The following YIF1B variants were observed in gnomAD, a reference collection of about 807,000 sequenced individuals.
YIF1B encodes the protein Yip1 interacting factor homolog B, membrane trafficking protein.
A neutral mutation model predicts 34.6 loss-of-function variants in YIF1B; 24 were observed. That is an observed-to-expected ratio of 0.69 (90% CI 0.50 to 0.98). The LOEUF (loss-of-function observed/expected upper bound fraction) is 0.98, where lower values mean the gene tolerates loss of function less well. Among genes scored for constraint, YIF1B ranks in the 50% least tolerant of loss-of-function variants. The pLI, the probability that YIF1B is intolerant of heterozygous loss-of-function variation, is 0.00. For synonymous variants in YIF1B, 186 were observed against 184.8 expected, an observed-to-expected ratio of 1.01 and a Z score of -0.05; for missense variants, 368 against 429.4, an observed-to-expected ratio of 0.86 and a Z score of 1.26.
chr19:38,311,712 G>A (rs1383620213), intron 1 of YIF1B, among the ~76,000 whole-genome samples: 5 of 152,210 alleles, frequency 3.3e-5, no homozygotes, highest in Admixed American at 3.3e-4. Context: ...AGACAGGACT[G>A]GGGGTGTAAA....
intron 1 of YIF1B, among the ~76,000 whole-genome samples, chr19:38,315,034 G>A (rs574885029): frequency 1.4e-3 from 215 of 152,086 alleles, no homozygotes; most frequent in Non-Finnish European, 2.6e-3. Flanking sequence ...CTAGGCGGGC[G>A]GATCACCTGA....
chr19:38,305,599 A>G (rs1600374428), intron 7 of YIF1B, 92 bp from the exon 8 acceptor site: 1 of 1,449,774 alleles, frequency 6.9e-7, no homozygotes, highest in Non-Finnish European at 9.2e-7. Flanking sequence ...GCCTCTGCCT[A>G]GAAGCCCCAG....
chr19:38,315,883 C>CCCGCAG lies in YIF1B; in HGVS notation c.29_34dup (p.Ala10_Ala11dup). The CCCGCAG allele has an allele frequency of 1.3e-6, 2 of 1,487,574 alleles. No homozygotes were observed. The highest frequency in any genetic ancestry group is 1.3e-5 in the South Asian group (1 of 78,412). The allele number at this position is 1,487,574 out of a possible 1,614,324, so 92.1% of individuals were successfully genotyped here. On this transcript the variant is annotated inframe_insertion, in exon 1 of 8. Coordinates refer to ENST00000339413, the MANE Select transcript of YIF1B (RefSeq NM_001039672.3). ...ACGCCACTTACGCAGCCGGGGCGTC[C>CCCGCAG]CCGCAGCCGCCGCCGCCAAGCCTGC...
intron 1 of YIF1B, among the ~76,000 whole-genome samples, chr19:38,313,359 C>T (rs956692197): frequency 1.5e-4 from 23 of 151,366 alleles, no homozygotes; most frequent in Admixed American, 1.3e-3. Context: ...CCCGGGTTCA[C>T]GCCATTCTCT....
intron 1 of YIF1B, among the ~76,000 whole-genome samples, chr19:38,313,553 C>G (rs776082955): frequency 1.8e-4 from 28 of 152,240 alleles, no homozygotes; most frequent in Admixed American, 6.5e-5. Flanking sequence ...GCCACCTAAC[C>G]CGGCCCAGAG....
At chr19:38,317,624 G>C (rs866651405), upstream of YIF1B, among the ~76,000 whole-genome samples, 2 of 151,856 alleles carry the variant, frequency 1.3e-5, no homozygotes, top group African/African-American at 4.8e-5. Flanking sequence ...CTGTCGCCCA[G>C]GCTGGAGTGC....
Position 38,304,210 on chromosome 19 carries a change from C to G in YIF1B, c.*1142G>C. The G allele has an allele frequency of 6.2e-7, 1 of 1,610,484 alleles. No homozygotes were observed. Among genetic ancestry groups the G allele is most frequent in the Non-Finnish European group, 8.5e-7 (1 of 1,178,462 alleles). On this transcript the variant is annotated 3_prime_UTR_variant, in exon 8 of 8. Coordinates refer to ENST00000339413, the MANE Select transcript of YIF1B (RefSeq NM_001039672.3). ...CAGCGCTCCTCCCCCTGCTCCGCTC[C>G]TCTGCAGGGCCCAGGCGCCCTTGGC...
upstream of YIF1B, among the ~76,000 whole-genome samples, chr19:38,317,913 C>G (rs1220995590): frequency 6.6e-6 from 1 of 151,442 alleles, no homozygotes; most frequent in Non-Finnish European, 1.5e-5. Flanking sequence ...AAAGCAAGTA[C>G]TGCCAAGTGC....
intron 1 of YIF1B, chr19:38,309,938 A>AT (rs1969244339): frequency 1.3e-6 from 1 of 787,080 alleles, no homozygotes; most frequent in Non-Finnish European, 1.8e-6. Flanking sequence ...CCACCCATCC[A>AT]TCCATCTATC....
chr19:38,309,171 CCT>C (rs1818674967), intron 3 of YIF1B, 51 bp downstream of exon 3: 2 of 1,601,764 alleles, frequency 1.2e-6, no homozygotes, highest in Non-Finnish European at 1.7e-6. Context: ...TGCCCCCACC[CCT>C]GAGCCCCCCA....
chr19:38,318,767 G>A (rs1003531001), upstream of YIF1B, among the ~76,000 whole-genome samples: 9 of 152,148 alleles, frequency 5.9e-5, no homozygotes, highest in Non-Finnish European at 1.2e-4. Flanking sequence ...TGAGCCCCAA[G>A]CCCCACTCCT....
rs1291968063 is a variant in YIF1B, at chr19:38,307,589, G to A, written c.695+8C>T. On this transcript the variant is annotated splice_region_variant and intron_variant, in intron 6 of 7. Coordinates refer to ENST00000339413, the MANE Select transcript of YIF1B (RefSeq NM_001039672.3). ...GCTGGGGCTGGCGTGAAGGGCGGGG[G>A]TACTCACCCGACATATTTGTAGCCC... is the stretch of plus-strand genomic sequence containing the variant. 1.2e-6 allele frequency: 2 copies of A among 1,613,582 alleles called. No homozygotes were observed. The highest frequency in any genetic ancestry group is 2.2e-5 in the South Asian group (2 of 91,078).
upstream of YIF1B, among the ~76,000 whole-genome samples, chr19:38,318,193 CAAAAAAAAAA>C (rs35748833): frequency 5.4e-4 from 16 of 29,898 alleles, no homozygotes; most frequent in South Asian, 8.1e-3. Context: ...ACTCTTGTCT[CAAAAAAAAAA>C]AAAAAAAAAA....
At position 38,307,666 on chromosome 19, in the gene YIF1B, T is replaced by C. The variant is rs890595201; in HGVS notation, c.626A>G (p.Tyr209Cys). 2.0e-5 allele frequency: 33 copies of C among 1,613,522 alleles called. No individual in the cohort carries two copies. Among genetic ancestry groups the C allele is most frequent in the Non-Finnish European group, 2.5e-5 (30 of 1,179,966 alleles). ...LEVLAILLSL[Y>C]LVTVNTDLTT... ...GAGGTCGGTGTTGACAGTGACCAGATAGAGGCTGAGCAGGATGGCCAGCAC... is the reference window on the plus strand; with the variant it reads ...GAGGTCGGTGTTGACAGTGACCAGACAGAGGCTGAGCAGGATGGCCAGCAC... The change falls in exon 6 of 8, where the codon TAT (tyrosine) becomes TGT (cysteine). Residue 209 changes from tyrosine (Y) to cysteine (C), a missense_variant. Around this residue, in one of 3 missense-constraint regions of YIF1B, gnomAD observed 208 missense variants for 247.8 expected, o/e 0.84. Transcript: ENST00000339413.
Position 38,309,076 on chromosome 19 carries a change from G to T in YIF1B, c.403-19C>A. On this transcript the variant is annotated intron_variant, in intron 3 of 7. Coordinates refer to ENST00000339413, the MANE Select transcript of YIF1B (RefSeq NM_001039672.3). ...CCCAGTCCTGCGGGGATGGGGAGAC[G>T]GGCAGGACCCTCAGAGCCAGGCCCC... 6.4e-7 allele frequency: 1 copy of T among 1,552,074 alleles called. No homozygotes were observed. Among genetic ancestry groups the T allele is most frequent in the Non-Finnish European group, 8.7e-7 (1 of 1,146,854 alleles).
intron 3 of YIF1B, 58 bp downstream of exon 3, chr19:38,309,166 C>T (rs2146303367): frequency 6.3e-7 from 1 of 1,597,590 alleles, no homozygotes; most frequent in African/African-American, 1.3e-5. Context: ...GCACCTGCCC[C>T]CACCCCTGAG....
upstream of YIF1B, among the ~76,000 whole-genome samples, chr19:38,317,872 A>G (rs77912794): frequency 0.3 from 45,584 of 151,106 alleles, 7,235 homozygotes; most frequent in East Asian, 0.51. Context: ...GAAACACCGC[A>G]CCCAGCCTTA....
At chr19:38,317,858 G>T (rs186125963), upstream of YIF1B, among the ~76,000 whole-genome samples, 12 of 151,760 alleles carry the variant, frequency 7.9e-5, no homozygotes, top group East Asian at 1.8e-3. Context: ...GAGATTACAG[G>T]CATGAAACAC....
intron 5 of YIF1B, among the ~76,000 whole-genome samples, 183 bp from the exon 6 acceptor site, chr19:38,307,935 G>A (rs1969134285): frequency 6.6e-6 from 1 of 152,224 alleles, no homozygotes; most frequent in Non-Finnish European, 1.5e-5. Context: ...TCCCTAGACA[G>A]TGACACCCAG....
Sources: gnomAD v4.1 joint callset for allele counts (sites outside exome capture counted in the v4.1 genomes callset) on GRCh38, gnomAD v4.1.1 for gene constraint, gnomAD v4.1.1 regional missense constraint, MANE v1.5 for transcripts, NCBI Gene and HGNC (gene_info 2026-07-23, HGNC 2026-07-21) for gene names.